The following SCARB1 variants were observed in gnomAD, a reference collection of about 807,000 sequenced individuals.
SCARB1 encodes scavenger receptor class B member 1.
A neutral mutation model predicts 57.2 loss-of-function variants in SCARB1; 30 were observed. That is an observed-to-expected ratio of 0.52 (90% confidence interval 0.39 to 0.71). SCARB1 has a LOEUF of 0.71. Among genes scored for constraint, SCARB1 ranks in the 30% least tolerant of loss-of-function variants. SCARB1 has a pLI of 0.00. For missense variants in SCARB1, 543 were observed against 671.2 expected (o/e 0.81, Z 2.11); for synonymous variants, 249 against 268.3 (o/e 0.93, Z 0.70).
intron 1 of SCARB1, chr12:124,821,511 G>A (rs1161363206): frequency 1.6e-5 from 16 of 985,318 alleles, no homozygotes; most frequent in Non-Finnish European, 1.9e-5. Flanking sequence ...CCAAAGAAGA[G>A]GCTTTCAGGC....
chr12:124,778,913 G>T (rs2135510471), intron 12 of SCARB1, among the ~76,000 whole-genome samples: 1 of 152,328 alleles, frequency 6.6e-6, no homozygotes, highest in South Asian at 2.1e-4. Context: ...ACCGGGGCAA[G>T]CTCTGTCCCT....
chr12:124,819,125 C>A (rs1280659506), intron 1 of SCARB1, among the ~76,000 whole-genome samples: 2 of 69,978 alleles, frequency 2.9e-5, no homozygotes, highest in Non-Finnish European at 7.4e-5. Flanking sequence ...AACACCCTGT[C>A]TCATAAAAAA....
rs1013210662 is a variant in SCARB1 at position 124,814,496 on chromosome 12, T to C, written c.427-91A>G. The C allele has an allele frequency of 4.0e-5, 54 of 1,365,492 alleles. No individual in the cohort carries two copies. Among genetic ancestry groups the C allele is most frequent in the Non-Finnish European group, 5.2e-5 (50 of 964,328 alleles). The allele number at this position is 1,365,492 out of a possible 1,614,324, so 84.6% of individuals were successfully genotyped here. On this transcript the variant is annotated intron_variant, in intron 3 of 12. Transcript: ENST00000261693. The surrounding 1 kb of genome is among the most constrained non-coding windows in gnomAD (Gnocchi z 4.7). ...GCTGGGCCTCACAGCAAAGAGCCCA[T>C]GAAGGGAAATGCTGGGGTGCAGGAG...
intron 8 of SCARB1, among the ~76,000 whole-genome samples, chr12:124,797,780 G>C (rs758021524): frequency 4.6e-5 from 7 of 152,246 alleles, no homozygotes; most frequent in African/African-American, 1.4e-4. Flanking sequence ...GGCCGGGGCC[G>C]AGAGGGCCTA....
intron 10 of SCARB1, 44 bp downstream of exon 10, chr12:124,787,362 G>T (rs535953860): frequency 1.3e-6 from 2 of 1,595,148 alleles, no homozygotes; most frequent in South Asian, 2.2e-5. Context: ...GCCCACATTG[G>T]CTCTTAACAA....
At chr12:124,801,356 A>C (rs1294872926) in intron 7 of SCARB1, among the ~76,000 whole-genome samples, 1 of 152,186 alleles carries the variant, frequency 6.6e-6, no homozygotes, top group Non-Finnish European at 1.5e-5. Context: ...AATGTTCTGG[A>C]ACGAGATACA....
At chr12:124,835,665 G>A (rs559409255) in intron 1 of SCARB1, among the ~76,000 whole-genome samples, 13 of 152,224 alleles carry the variant, frequency 8.5e-5, no homozygotes, top group African/African-American at 1.2e-4. Context: ...ACTAGGTCTT[G>A]TCTCTTCCTG....
At chr12:124,833,915 A>T (rs10846750) in intron 1 of SCARB1, among the ~76,000 whole-genome samples, 42 of 152,128 alleles carry the variant, frequency 2.8e-4, no homozygotes, top group Non-Finnish European at 5.3e-4. Flanking sequence ...ACTCTCCCGC[A>T]GCTGCTTTCA....
At chr12:124,787,562 C>T (rs545433331) in intron 9 of SCARB1, 105 bp from the exon 10 acceptor site, 5 of 959,790 alleles carry the variant, frequency 5.2e-6, no homozygotes, top group African/African-American at 4.8e-5. Context: ...TAATTTTGCA[C>T]ACACTAAACC....
intron 11 of SCARB1, chr12:124,785,302 G>T (rs1427894349): frequency 1.3e-5 from 2 of 152,620 alleles, no homozygotes; most frequent in African/African-American, 4.8e-5. Flanking sequence ...TGCACCACGA[G>T]GCCCTGGGTG....
chr12:124,786,101 G>A (rs1393538420), intron 11 of SCARB1: 1 of 1,533,680 alleles, frequency 6.5e-7, no homozygotes. Context: ...ATTACTCAAA[G>A]CCCACCTGTG....
intron 1 of SCARB1, among the ~76,000 whole-genome samples, chr12:124,851,411 A>G (rs1952394229): frequency 6.6e-6 from 1 of 151,938 alleles, no homozygotes; most frequent in Non-Finnish European, 1.5e-5. Flanking sequence ...AACCAAGTCT[A>G]CTTATGAGGG....
At chr12:124,799,811 C>T (rs1049886164) in intron 8 of SCARB1, among the ~76,000 whole-genome samples, 1 of 152,144 alleles carries the variant, frequency 6.6e-6, no homozygotes, top group Non-Finnish European at 1.5e-5. Flanking sequence ...ACCTAAAGAT[C>T]TTTATGGTAT....
intron 1 of SCARB1, among the ~76,000 whole-genome samples, chr12:124,818,140 T>C (rs1331738539): frequency 6.6e-6 from 1 of 152,140 alleles, no homozygotes; most frequent in Non-Finnish European, 1.5e-5. Context: ...CCAGGCGGGT[T>C]CTAAGAGCTG....
Position 124,817,869 on chromosome 12 carries a change from C to T in SCARB1, c.127-162G>A, listed in dbSNP as rs1950805630. 6.6e-6 allele frequency among the ~76,000 whole-genome samples: 1 copy of T among 152,196 alleles called. No homozygotes were observed. The highest frequency in any genetic ancestry group is 2.1e-4 in the South Asian group (1 of 4,832). On this transcript the variant is annotated intron_variant, in intron 1 of 12. Transcript: ENST00000261693. The surrounding 1 kb of genome is among the most constrained non-coding windows in gnomAD (Gnocchi z 4.8). The stretch of plus-strand genomic sequence containing the variant: ...GAAAGCCCTTCGCACATGAGGCTGT[C>T]GCACCTGGAGCTTATGGAATTAAAC...
intron 11 of SCARB1, chr12:124,785,953 G>A (rs895926680): frequency 2.0e-6 from 2 of 1,010,452 alleles, no homozygotes; most frequent in South Asian, 1.8e-5. Context: ...CTCCCCGGCT[G>A]GGATGCCAGC....
rs115476522 is a variant in SCARB1, at chr12:124,780,946, C to T, written c.*1737G>A. On this transcript the variant is annotated intron_variant, in intron 12 of 12. Coordinates refer to ENST00000261693, the MANE Select transcript of SCARB1 (RefSeq NM_005505.5). The stretch of plus-strand genomic sequence containing the variant: ...CAGTGGCTGGAAGGAGCAGGCACAC[C>T]GATGGGGCCAAACCGTGCACAGCAC... Among the ~76,000 whole-genome samples the T allele has an allele frequency of 5.0e-3, 758 of 152,290 alleles. 12 individuals carry two copies. The highest frequency in any genetic ancestry group is 0.017 in the African/African-American group (718 of 41,564).
chr12:124,781,673 G>C (rs1873501537), intron 12 of SCARB1, among the ~76,000 whole-genome samples: 1 of 152,154 alleles, frequency 6.6e-6, no homozygotes, highest in African/African-American at 2.4e-5. Flanking sequence ...AGGTTTTCAG[G>C]ATACGTGCGT....
intron 1 of SCARB1, among the ~76,000 whole-genome samples, chr12:124,841,421 G>T (rs959393745): frequency 1.3e-5 from 2 of 149,490 alleles, no homozygotes; most frequent in African/African-American, 4.9e-5. Flanking sequence ...GGCGGAGGTT[G>T]CAGTGAGCTG....
Sources: gnomAD v4.1 joint callset for allele counts (sites outside exome capture counted in the v4.1 genomes callset) on GRCh38, gnomAD v4.1.1 for gene constraint, Gnocchi (gnomAD v3.1) non-coding constraint, MANE v1.5 for transcripts, NCBI Gene and HGNC (gene_info 2026-07-23, HGNC 2026-07-21) for gene names.